Variants in MACROD2 observed in about 807,000 individuals in gnomAD.
MACROD2 encodes the protein mono-ADP ribosylhydrolase 2.
A neutral mutation model predicts 70.4 loss-of-function variants in MACROD2; 36 were observed. That is an observed-to-expected ratio of 0.51 (90% CI 0.39 to 0.68). MACROD2 has a LOEUF of 0.68. Among genes scored for constraint, MACROD2 ranks in the 30% least tolerant of loss-of-function variants. The pLI, the probability that MACROD2 is intolerant of heterozygous loss-of-function variation, is 0.00. For missense variants in MACROD2, 496 were observed against 538.4 expected (o/e 0.92, Z 0.78); for synonymous variants, 172 against 178.8 (o/e 0.96, Z 0.30).
intron 5 of MACROD2, among the ~76,000 whole-genome samples, chr20:14,941,017 A>T (rs975030422): frequency 6.6e-6 from 1 of 152,116 alleles, no homozygotes; most frequent in Non-Finnish European, 1.5e-5. Flanking sequence ...AAGCCATCAG[A>T]TCCTGGGCTT....
At chr20:15,365,823 T>A (rs1448409703) in intron 6 of MACROD2, among the ~76,000 whole-genome samples, 9 of 152,160 alleles carry the variant, frequency 5.9e-5, no homozygotes, top group Non-Finnish European at 8.8e-5. Context: ...TTTAACCTGA[T>A]TGCAGTTAAA....
chr20:15,805,617 C>A (rs566028949), intron 8 of MACROD2, among the ~76,000 whole-genome samples: 1 of 152,052 alleles, frequency 6.6e-6, no homozygotes, highest in East Asian at 1.9e-4. Context: ...GCTGGGATTA[C>A]AGGCATGTGC....
chr20:14,548,102 G>C (rs949765230), intron 4 of MACROD2, among the ~76,000 whole-genome samples: 1 of 152,182 alleles, frequency 6.6e-6, no homozygotes, highest in African/African-American at 2.4e-5. Context: ...CGTCGCAAAG[G>C]GGCTTGTGTA....
intron 8 of MACROD2, among the ~76,000 whole-genome samples, chr20:15,829,981 CAA>C (rs2064036987): frequency 6.6e-6 from 1 of 152,108 alleles, no homozygotes; most frequent in African/African-American, 2.4e-5. Flanking sequence ...AGCTGCAAGG[CAA>C]AATGATGGCA....
At chr20:15,367,093 T>A (rs1296238339) in intron 6 of MACROD2, among the ~76,000 whole-genome samples, 5 of 151,432 alleles carry the variant, frequency 3.3e-5, no homozygotes, top group African/African-American at 7.3e-5. Flanking sequence ...AGTGGCATGA[T>A]CTCGGCTCAC....
intron 3 of MACROD2, among the ~76,000 whole-genome samples, chr20:14,112,859 C>T (rs991650924): frequency 6.6e-6 from 1 of 151,844 alleles, no homozygotes; most frequent in African/African-American, 2.4e-5. Context: ...TAATAGACAT[C>T]CTCATATTTT....
chr20:14,946,933 G>C (rs2074437519), intron 5 of MACROD2, among the ~76,000 whole-genome samples: 2 of 152,298 alleles, frequency 1.3e-5, no homozygotes, highest in South Asian at 4.1e-4. Flanking sequence ...TGAGGTGTAT[G>C]TGTGCATGTA....
chr20:14,261,531 A>G (rs1568526391), intron 3 of MACROD2, among the ~76,000 whole-genome samples: 1 of 152,140 alleles, frequency 6.6e-6, no homozygotes, highest in African/African-American at 2.4e-5. Context: ...TCTGTTATCT[A>G]CACATGTGTG....
intron 5 of MACROD2, among the ~76,000 whole-genome samples, chr20:14,722,539 A>G (rs1568759034): frequency 6.6e-6 from 1 of 152,176 alleles, no homozygotes; most frequent in African/African-American, 2.4e-5. Flanking sequence ...TTATTCTATC[A>G]CTGGCACTTC....
chr20:15,836,412 C>T (rs986711600), intron 8 of MACROD2, among the ~76,000 whole-genome samples: 1 of 152,094 alleles, frequency 6.6e-6, no homozygotes. Context: ...AGAATGGAGT[C>T]ATAAGAGTCA....
At chr20:15,053,025 C>T (rs1462307915) in intron 5 of MACROD2, among the ~76,000 whole-genome samples, 1 of 152,198 alleles carries the variant, frequency 6.6e-6, no homozygotes, top group Non-Finnish European at 1.5e-5. Context: ...CAGAGCAACG[C>T]CCTAACTCTC....
intron 8 of MACROD2, among the ~76,000 whole-genome samples, chr20:15,515,992 T>A (rs1241896607): frequency 1.3e-5 from 2 of 152,230 alleles, no homozygotes; most frequent in Non-Finnish European, 2.9e-5. Flanking sequence ...CCCCCAAGCC[T>A]GAGCTTATGA....
chr20:14,043,135 GTC>G (rs891312767), intron 2 of MACROD2, among the ~76,000 whole-genome samples: 1 of 152,068 alleles, frequency 6.6e-6, no homozygotes, highest in African/African-American at 2.4e-5. Flanking sequence ...GCCTGGGCTG[GTC>G]TCAAACTCTT....
At chr20:14,413,962 A>C (rs1163013145) in intron 3 of MACROD2, among the ~76,000 whole-genome samples, 1 of 152,154 alleles carries the variant, frequency 6.6e-6, no homozygotes, top group Non-Finnish European at 1.5e-5. Context: ...GTGACTTTTC[A>C]GTATTTGATC....
intron 3 of MACROD2, among the ~76,000 whole-genome samples, chr20:14,419,389 T>G (rs2083850621): frequency 6.6e-6 from 1 of 152,196 alleles, no homozygotes; most frequent in Admixed American, 6.5e-5. Flanking sequence ...ATTTATTAGG[T>G]ATCTTCTAAA....
At chr20:15,457,138 T>C (rs1334099061) in intron 7 of MACROD2, among the ~76,000 whole-genome samples, 1 of 151,566 alleles carries the variant, frequency 6.6e-6, no homozygotes, top group Non-Finnish European at 1.5e-5. Context: ...ACTAAAATTA[T>C]TATGGTTGTC....
intron 5 of MACROD2, among the ~76,000 whole-genome samples, chr20:15,013,494 T>C (rs935380231): frequency 2.0e-5 from 3 of 152,094 alleles, no homozygotes; most frequent in African/African-American, 7.2e-5. Context: ...CCTTTGAGGA[T>C]TGCCTCAACT....
At chr20:16,004,493 T>A (rs181356026) in intron 15 of MACROD2, among the ~76,000 whole-genome samples, 2 of 152,344 alleles carry the variant, frequency 1.3e-5, no homozygotes, top group East Asian at 3.9e-4. Flanking sequence ...AATGTCATGC[T>A]CGGGGTCAGG....
chr20:14,488,246 A>T (rs562368487), intron 3 of MACROD2, among the ~76,000 whole-genome samples: 11 of 152,290 alleles, frequency 7.2e-5, no homozygotes, highest in Non-Finnish European at 1.5e-4. Context: ...ATTTCAACTA[A>T]TTTTTTCCCT....
Sources: allele counts gnomAD v4.1 joint callset (sites outside exome capture counted in the v4.1 genomes callset), GRCh38; gene constraint gnomAD v4.1.1; transcripts MANE v1.5; gene names NCBI Gene and HGNC (gene_info 2026-07-23, HGNC 2026-07-21).